The following MUC4 variants were observed in gnomAD, a reference collection of about 807,000 sequenced individuals.
MUC4 encodes mucin 4, cell surface associated.
A neutral mutation model predicts 257.9 loss-of-function variants in MUC4; 202 were observed. The observed-to-expected ratio is 0.78, with a 90% CI of 0.70 to 0.88. The LOEUF (loss-of-function observed/expected upper bound fraction) is 0.88, where lower values mean the gene tolerates loss of function less well. Ranked by LOEUF, MUC4 falls within the 40% of genes least tolerant of loss-of-function variation. The pLI is 0.00. For missense variants in MUC4, 5,976 were observed against 6,513.7 expected, an observed-to-expected ratio of 0.92 and a Z score of 2.84; for synonymous variants, 2,351 against 2,757.1, an observed-to-expected ratio of 0.85 and a Z score of 4.62.
Position 195,791,253 on chromosome 3 carries a change from A to G in MUC4, c.327T>C (p.Asn109=), listed in dbSNP as rs867286603. ...STLFSSPSVH[N]VMETAPPDEM... ...CATCTGGAGGAGCTGTCTCCATCACATTGTGTACACTTGGGGAAGAAAAAA... is the reference window on the plus strand; with the variant it reads ...CATCTGGAGGAGCTGTCTCCATCACGTTGTGTACACTTGGGGAAGAAAAAA... Residue 109 remains asparagine, a synonymous_variant, in exon 2 of 25, where the codon AAT becomes AAC. Coordinates refer to ENST00000463781, the MANE Select transcript of MUC4 (RefSeq NM_018406.7). The G allele has an allele frequency of 2.4e-5, 39 of 1,613,516 alleles. No individual in the cohort carries two copies. The African/African-American group carries it at 4.0e-4, about 17-fold the overall frequency.
chr3:195,766,894 C>T (rs1720630769), intron 7 of MUC4, 143 bp from the exon 8 acceptor site: 1 of 691,810 alleles, frequency 1.4e-6, no homozygotes, highest in Admixed American at 2.1e-5. Flanking sequence ...AGCCAGCCCC[C>T]ATCGTCAAGC....
intron 9 of MUC4, 34 bp from the exon 10 acceptor site, chr3:195,765,156 T>A (rs11926236): frequency 6.3e-7 from 1 of 1,599,066 alleles, no homozygotes; most frequent in African/African-American, 1.3e-5. Context: ...AGGCCCAGGC[T>A]GGGGCTGCCA....
intron 12 of MUC4, 93 bp from the exon 13 acceptor site, chr3:195,763,038 C>T (rs1719570505): frequency 6.5e-6 from 7 of 1,084,486 alleles, no homozygotes; most frequent in South Asian, 2.7e-5. Context: ...CTGGAAGCTG[C>T]GCCCTGGGCC....
Position 195,801,838 on chromosome 3 carries a change from C to T in MUC4, c.82+9898G>A, listed in dbSNP as rs865817604. Among the ~76,000 whole-genome samples the T allele has an allele frequency of 1.3e-4, 20 of 152,176 alleles. No homozygotes were observed. In the Middle Eastern group the frequency reaches 0.01, roughly 78 times the overall value. On this transcript the variant is annotated intron_variant, in intron 1 of 24. Coordinates refer to ENST00000463781, the MANE Select transcript of MUC4 (RefSeq NM_018406.7). Reference sequence around the variant, plus strand: ...CCCCCCTCCACGTGCTCTCCCTGGCCGGCGGCCCCGTGCCACCACCCAGCC... The same window carrying T: ...CCCCCCTCCACGTGCTCTCCCTGGCTGGCGGCCCCGTGCCACCACCCAGCC...
rs2149037709 is a variant in MUC4 at position 195,789,420 on chromosome 3, ATGGCTGCTGGGTGC to A, written c.2146_2159del (p.Ala716Ter). The A allele has an allele frequency of 6.2e-7, 1 of 1,613,920 alleles. No individual in the cohort carries two copies. The highest frequency in any genetic ancestry group is 2.2e-5 in the East Asian group (1 of 44,880). ...CTCCTGAGGGCCCCAGGGTGGCATCATGGCTGCTGGGTGCTGCCTGCAGTGCTGTGGTCGGGGCC... is the reference window on the plus strand; with the variant it reads ...CTCCTGAGGGCCCCAGGGTGGCATCATGCCTGCAGTGCTGTGGTCGGGGCC... On this transcript the variant is annotated frameshift_variant, in exon 2 of 25. Transcript: ENST00000463781. LOFTEE classifies it high-confidence loss of function.
chr3:195,769,940 G>T (rs557597663), intron 6 of MUC4, among the ~76,000 whole-genome samples: 1 of 152,246 alleles, frequency 6.6e-6, no homozygotes, highest in African/African-American at 2.4e-5. Flanking sequence ...AGACATTTTT[G>T]ACTTACAAAA....
intron 1 of MUC4, among the ~76,000 whole-genome samples, chr3:195,799,021 T>C (rs1278317471): frequency 6.6e-6 from 1 of 152,098 alleles, no homozygotes; most frequent in Non-Finnish European, 1.5e-5. Context: ...CTCCCCCAAC[T>C]GGAAGCGTTG....
rs1178119127 is a variant in MUC4, at chr3:195,788,800, T to C, written c.2780A>G (p.Gln927Arg). The C allele has an allele frequency of 3.1e-6, 5 of 1,613,914 alleles. No homozygotes were observed. The highest frequency in any genetic ancestry group is 4.2e-6 in the Non-Finnish European group (5 of 1,179,852). The change falls in exon 2 of 25, where the codon CAG (glutamine) becomes CGG (arginine). Residue 927 changes from glutamine to arginine, a missense_variant. Transcript: ENST00000463781. ...RGSDTISLAS[Q>R]ATDTFSTVPP... The stretch of plus-strand genomic sequence containing the variant: ...GACTGTTGAGAAGGTGTCGGTTGCC[T>C]GGGACGCCAGGCTGATAGTGTCAGA...
rs1394426581 is a variant in MUC4, at chr3:195,784,492, G to A, written c.7088C>T (p.Thr2363Ile). The change falls in exon 2 of 25, where the codon ACA (threonine) becomes ATA (isoleucine). Residue 2363 changes from threonine (T) to isoleucine (I), a missense_variant. Physicochemically the swap from Thr to Ile is moderately conservative, Grantham distance 89. Coordinates refer to ENST00000463781, the MANE Select transcript of MUC4 (RefSeq NM_018406.7). ...GACAGGAAGAGGGGTGGTGTCACCT[G>A]TGGATACTGAGGAAGCGTCGGTGAC... ...LHVTDASSVS[T>I]GDTTPLPVTS... is the part of the protein sequence containing the mutation. The A allele has an allele frequency of 1.9e-6, 3 of 1,541,354 alleles. No individual in the cohort carries two copies. Among genetic ancestry groups the A allele is most frequent in the Non-Finnish European group, 1.8e-6 (2 of 1,141,318 alleles).
At chr3:195,775,318 T>A (rs192980792) in intron 3 of MUC4, among the ~76,000 whole-genome samples, 5 of 68,812 alleles carry the variant, frequency 7.3e-5, no homozygotes, top group Non-Finnish European at 1.4e-4. Context: ...CCACCCCAAA[T>A]GCTTCGGGGA....
intron 1 of MUC4, among the ~76,000 whole-genome samples, chr3:195,800,364 G>A (rs1032785846): frequency 5.3e-5 from 8 of 152,164 alleles, no homozygotes; most frequent in Non-Finnish European, 1.0e-4. Flanking sequence ...CTCATCTTGA[G>A]CCAAGTTGAT....
chr3:195,761,033 T>C lies in MUC4; in HGVS notation c.14699A>G (p.Gln4900Arg). ...NFTPVFYSQL[Q>R]KNSSWAEHLI... ...ATGTTCAGCCCAGGAGCTGTTTTTT[T>C]GCAGTTGTGAGTAGAAAACAGGGGT... The change falls in exon 16 of 25, where the codon CAA (glutamine) becomes CGA (arginine). Residue 4900 changes from glutamine to arginine, a missense_variant. By Grantham distance (43) the Gln-to-Arg change is conservative. Transcript: ENST00000463781. 6.2e-7 allele frequency: 1 copy of C among 1,614,212 alleles called. No homozygotes were observed. Among genetic ancestry groups the C allele is most frequent in the Non-Finnish European group, 8.5e-7 (1 of 1,180,028 alleles).
intron 23 of MUC4, 49 bp downstream of exon 23, chr3:195,750,840 C>T: frequency 6.4e-7 from 1 of 1,552,456 alleles, no homozygotes; most frequent in Non-Finnish European, 8.9e-7. Flanking sequence ...CTCTGTTTGC[C>T]CGCCCCCCGC....
chr3:195,805,142 C>A (rs1735816430), intron 1 of MUC4, among the ~76,000 whole-genome samples: 1 of 151,534 alleles, frequency 6.6e-6, no homozygotes, highest in East Asian at 1.9e-4. Context: ...CTCACTGTAA[C>A]CTCCACCTCC....
rs749944036 is a variant in MUC4, at chr3:195,788,859, C to A, written c.2721G>T (p.Met907Ile). Residue 907 changes from methionine to isoleucine, a missense_variant, in exon 2 of 25, where the codon ATG becomes ATT. Coordinates refer to ENST00000463781, the MANE Select transcript of MUC4 (RefSeq NM_018406.7). ...TGGTTCTTGTCCTCTGAGTCTGGGC[C>A]ATCCGGGAAATGGCGGCTGTCTCCT... ...SPQETAAISR[M>I]AQTQRTRTSR... The A allele has an allele frequency of 8.1e-6, 13 of 1,613,740 alleles. No individual in the cohort carries two copies. The highest frequency in any genetic ancestry group is 2.2e-5 in the East Asian group (1 of 44,894).
chr3:195,748,280 G>C (rs372292486), intron 24 of MUC4, among the ~76,000 whole-genome samples: 24 of 152,364 alleles, frequency 1.6e-4, no homozygotes, highest in East Asian at 9.6e-4. Context: ...GTTTGACTTT[G>C]GGCCCTGGCG....
In MUC4 at chr3:195,764,832, C is replaced by A. The variant is rs141665566; in HGVS notation, c.13924+165G>T. ...AAGAGGCTCTCAGCTCATACATCCC[C>A]GAATGTCCGCTGGTGGGGATGTTGG... On this transcript the variant is annotated intron_variant, in intron 10 of 24. Coordinates refer to ENST00000463781, the MANE Select transcript of MUC4 (RefSeq NM_018406.7). Among the ~76,000 whole-genome samples, 4 of 152,242 alleles carry A rather than the reference C, an allele frequency of 2.6e-5. 1 individual carries two copies. The East Asian group carries it at 7.7e-4, about 29-fold the overall frequency.
At chr3:195,751,293 G>C (rs761071834) in intron 21 of MUC4, 22 bp from the exon 22 acceptor site, 5 of 1,579,012 alleles carry the variant, frequency 3.2e-6, no homozygotes, top group Non-Finnish European at 1.7e-6. Context: ...GATGGCAGAT[G>C]GGGGTGGGGG....
chr3:195,809,039 G>A (rs749799781), intron 1 of MUC4, among the ~76,000 whole-genome samples: 3 of 152,126 alleles, frequency 2.0e-5, no homozygotes, highest in Non-Finnish European at 4.4e-5. Flanking sequence ...GGCCTATTTC[G>A]ACCCAGTTGC....
Sources: gnomAD v4.1 joint callset for allele counts (sites outside exome capture counted in the v4.1 genomes callset) on GRCh38, gnomAD v4.1.1 for gene constraint, MANE v1.5 for transcripts, NCBI Gene and HGNC (gene_info 2026-07-23, HGNC 2026-07-21) for gene names.